The following CNIH3 variants were observed in gnomAD, a reference collection of about 807,000 sequenced individuals.
The protein encoded by CNIH3 is cornichon family AMPA receptor auxiliary protein 3.
A neutral mutation model predicts 24.1 loss-of-function variants in CNIH3; 14 were observed. That is an observed-to-expected ratio of 0.58 (90% CI 0.38 to 0.91). The LOEUF (loss-of-function observed/expected upper bound fraction) is 0.91, where lower values mean the gene tolerates loss of function less well. Among genes scored for constraint, CNIH3 ranks in the 40% least tolerant of loss-of-function variants. The pLI, the probability that CNIH3 is intolerant of heterozygous loss-of-function variation, is 0.00. For synonymous variants in CNIH3, 68 were observed against 73.8 expected (o/e 0.92, Z 0.40); for missense variants, 178 against 196.8 (o/e 0.90, Z 0.57).
chr1:224,623,628 G>A (rs1053370745), intron 1 of CNIH3, among the ~76,000 whole-genome samples: 3 of 152,026 alleles, frequency 2.0e-5, no homozygotes, highest in African/African-American at 7.2e-5. Flanking sequence ...TCCAGCTCCT[G>A]GAGAAGATAG....
At chr1:224,609,990 C>T (rs151141174) in intron 3 of CNIH3, among the ~76,000 whole-genome samples, 1 of 152,304 alleles carries the variant, frequency 6.6e-6, no homozygotes, top group Non-Finnish European at 1.5e-5. Flanking sequence ...AAGCGATACA[C>T]ATTCAATAGA....
At chr1:224,681,115 A>G in intron 2 of CNIH3, 89 bp downstream of exon 2, 1 of 1,092,920 alleles carries the variant, frequency 9.1e-7, no homozygotes, top group Non-Finnish European at 1.4e-6. Context: ...AATGATTTGA[A>G]TGCGTAAAGA....
At chr1:224,667,718 C>T (rs1023189940) in intron 1 of CNIH3, among the ~76,000 whole-genome samples, 2 of 150,596 alleles carry the variant, frequency 1.3e-5, no homozygotes, top group African/African-American at 4.9e-5. Flanking sequence ...AATGTAATCA[C>T]TTTGAAGGGC....
At chr1:224,558,668 C>A (rs1313036842) in intron 3 of CNIH3, among the ~76,000 whole-genome samples, 1 of 152,180 alleles carries the variant, frequency 6.6e-6, no homozygotes, top group Non-Finnish European at 1.5e-5. Context: ...GGGAAAAAGT[C>A]CCCACCCCTT....
intron 1 of CNIH3, among the ~76,000 whole-genome samples, chr1:224,452,760 C>T (rs754704884): frequency 1.0e-4 from 11 of 109,512 alleles, no homozygotes; most frequent in South Asian, 6.0e-4. Flanking sequence ...CCAGCCTGGG[C>T]AACAGAGCGA....
chr1:224,717,874 T>C (rs1181782326), intron 3 of CNIH3: 1 of 152,214 alleles, frequency 6.6e-6, no homozygotes, highest in African/African-American at 2.4e-5. Flanking sequence ...CCTGCTAAAT[T>C]AGTGTCGAGT....
intron 3 of CNIH3, among the ~76,000 whole-genome samples, chr1:224,559,636 G>A (rs1172493992): frequency 2.6e-5 from 4 of 152,126 alleles, no homozygotes; most frequent in Non-Finnish European, 5.9e-5. Context: ...GCCTCCCAAT[G>A]TGCTGGGATT....
chr1:224,580,524 A>C (rs1373214774), intron 4 of CNIH3, among the ~76,000 whole-genome samples: 1 of 152,204 alleles, frequency 6.6e-6, no homozygotes, highest in Non-Finnish European at 1.5e-5. Flanking sequence ...AGGAGGTCGC[A>C]TTCTTCTGAA....
At chr1:224,698,698 G>A (rs1687310034) in intron 3 of CNIH3, among the ~76,000 whole-genome samples, 1 of 152,198 alleles carries the variant, frequency 6.6e-6, no homozygotes, top group African/African-American at 2.4e-5. Context: ...AGGAAGGTAG[G>A]TATAGGTGGA....
chr1:224,712,897 G>A (rs1688231031), intron 3 of CNIH3, among the ~76,000 whole-genome samples: 1 of 152,198 alleles, frequency 6.6e-6, no homozygotes, highest in Admixed American at 6.5e-5. Flanking sequence ...AGTCCCTGAG[G>A]TTGCTCTGGC....
intron 1 of CNIH3, among the ~76,000 whole-genome samples, chr1:224,475,726 CT>C (rs1348867049): frequency 6.6e-6 from 1 of 152,048 alleles, no homozygotes; most frequent in Non-Finnish European, 1.5e-5. Flanking sequence ...ACTTGTAAAC[CT>C]AATACTTGTA....
chr1:224,574,226 C>T (rs924877022), intron 4 of CNIH3, among the ~76,000 whole-genome samples: 2 of 152,176 alleles, frequency 1.3e-5, no homozygotes, highest in South Asian at 4.1e-4. Flanking sequence ...CACTGCTTCA[C>T]GTCAGGTACC....
downstream of CNIH3, among the ~76,000 whole-genome samples, chr1:224,591,514 C>T (rs1312829528): frequency 6.6e-6 from 1 of 152,216 alleles, no homozygotes; most frequent in African/African-American, 2.4e-5. Context: ...AGAGAGACCA[C>T]AGACTGATCA....
chr1:224,496,095 C>T (rs1205166168), intron 1 of CNIH3, among the ~76,000 whole-genome samples: 1 of 152,178 alleles, frequency 6.6e-6, no homozygotes, highest in East Asian at 1.9e-4. Context: ...CCCAGCTGCA[C>T]GAGTCTGTTG....
At chr1:224,456,799 G>C (rs192914504) in intron 1 of CNIH3, among the ~76,000 whole-genome samples, 1 of 152,166 alleles carries the variant, frequency 6.6e-6, no homozygotes, top group East Asian at 1.9e-4. Context: ...TGCCATTCTC[G>C]TGCCCTCCTT....
intron 3 of CNIH3, among the ~76,000 whole-genome samples, chr1:224,707,870 C>A (rs1687909206): frequency 6.6e-6 from 1 of 152,152 alleles, no homozygotes; most frequent in African/African-American, 2.4e-5. Context: ...TCATTGTTAT[C>A]TTGTTGTTAT....
intron 3 of CNIH3, among the ~76,000 whole-genome samples, chr1:224,607,461 T>A: frequency 6.6e-6 from 1 of 152,238 alleles, no homozygotes; most frequent in East Asian, 1.9e-4. Flanking sequence ...GTCTTTTGAT[T>A]AGCTTTACTG....
At chr1:224,503,249 G>A (rs1419034184) in intron 1 of CNIH3, among the ~76,000 whole-genome samples, 6 of 152,220 alleles carry the variant, frequency 3.9e-5, no homozygotes, top group African/African-American at 1.4e-4. Flanking sequence ...GCTAGGGAGA[G>A]CCTGAGGCAC....
chr1:224,478,457 G>A (rs770528449), intron 1 of CNIH3, among the ~76,000 whole-genome samples: 1 of 152,068 alleles, frequency 6.6e-6, no homozygotes, highest in Non-Finnish European at 1.5e-5. Flanking sequence ...GCATTCTTCA[G>A]TAGATCATTG....
Sources: gnomAD v4.1 joint callset for allele counts (sites outside exome capture counted in the v4.1 genomes callset) on GRCh38, gnomAD v4.1.1 for gene constraint, MANE v1.5 for transcripts, NCBI Gene and HGNC (gene_info 2026-07-23, HGNC 2026-07-21) for gene names.